Variants in DMAC1 observed in about 807,000 individuals in gnomAD.
DMAC1 encodes distal membrane arm assembly component 1.
Under a neutral mutation model 7.0 loss-of-function variants are expected in DMAC1, and 10 were observed. That is an observed-to-expected ratio of 1.43 (90% confidence interval 0.88 to 2.43). The LOEUF (loss-of-function observed/expected upper bound fraction) is 2.43. Among genes scored for constraint, DMAC1 ranks in the 30% most tolerant of loss-of-function variants. The probability of loss-of-function intolerance (pLI) is 0.00; values close to 1 mark genes in which losing one functional copy is unlikely to be tolerated. For synonymous variants in DMAC1, 92 were observed against 66.2 expected (o/e 1.39, Z -1.90); for missense variants, 219 against 158.7 (o/e 1.38, Z -2.04).
Position 7,798,321 on chromosome 9 carries a change from C to T in DMAC1, c.*252G>A. 2.3e-6 allele frequency: 1 copy of T among 440,988 alleles called. No individual in the cohort carries two copies. Among genetic ancestry groups the T allele is most frequent in the East Asian group, 3.4e-5 (1 of 29,666 alleles). 27.3% of individuals were successfully genotyped at this position (440,988 alleles called of 1,614,324 possible). On this transcript the variant is annotated 3_prime_UTR_variant, in exon 2 of 2. Transcript: ENST00000358227. ...TTTAAATATAAGTTATACTTTCCTT[C>T]CCCAGATAAGACAAAGAACCTGTTT...
At chr9:7,799,410 C>G (rs371337956) in intron 1 of DMAC1, 51 bp downstream of exon 1, 211 of 1,599,826 alleles carry the variant, frequency 1.3e-4, no homozygotes, top group Non-Finnish European at 1.7e-4. Flanking sequence ...CGTTTCCTTC[C>G]TCTACCCCGC....
chr9:7,797,076 C>G lies in DMAC1; in HGVS notation c.*1497G>C, dbSNP rs1325583368. 1.3e-5 allele frequency: 2 copies of G among 152,112 alleles called. No homozygotes were observed. The highest frequency in any genetic ancestry group is 1.3e-4 in the Admixed American group (2 of 15,268). 9.4% of individuals were successfully genotyped at this position (152,112 alleles called of 1,614,324 possible). On this transcript the variant is annotated 3_prime_UTR_variant, in exon 2 of 2. Transcript: ENST00000358227. ...TTAGGTTTATGTGTTTTTGGTTTAA[C>G]CAAAGAAAATGTTCAGGGACTAAAG...
chr9:7,798,789 G>GA (rs557728074), intron 1 of DMAC1, 152 bp from the exon 2 acceptor site: 411 of 565,182 alleles, frequency 7.3e-4, no homozygotes, highest in Middle Eastern at 1.0e-3. Flanking sequence ...CACAGAAAAA[G>GA]AAAAAAAAAT....
In DMAC1 at chr9:7,798,765, T is replaced by C. The variant is rs1272040456; in HGVS notation, c.275-128A>G. 4 of 725,616 alleles carry C rather than the reference T, an allele frequency of 5.5e-6. No individual in the cohort carries two copies. The East Asian group carries it at 1.2e-4, about 22-fold the overall frequency. The allele number at this position is 725,616 out of a possible 1,614,324, so 44.9% of individuals were successfully genotyped here. A position where few individuals can be genotyped will look rare whatever the true frequency, so the allele number is the denominator to read the frequency against. ...ATATATTACCATTGTATCTTTCTTA[T>C]AAGGCAAGTGAAGCACAGAAAAAGA... On this transcript the variant is annotated intron_variant, in intron 1 of 1. Transcript: ENST00000358227.
chr9:7,799,649 G>A lies in DMAC1; in HGVS notation c.86C>T (p.Pro29Leu). The A allele has an allele frequency of 1.2e-6, 2 of 1,611,692 alleles. No homozygotes were observed. The highest frequency in any genetic ancestry group is 1.7e-6 in the Non-Finnish European group (2 of 1,179,228). The change falls in exon 1 of 2, where the codon CCA (proline) becomes CTA (leucine). Residue 29 changes from proline (P) to leucine (L), a missense_variant. Pro to Leu is a moderately conservative substitution (Grantham distance 98). Coordinates refer to ENST00000358227, the MANE Select transcript of DMAC1 (RefSeq NM_033428.3). Reference sequence around the variant, plus strand: ...GGAGGTCGGCGCTCCGGGTGTAGCTGGGGGCGCAGGTTTGGCGGGCGCGGC... The same window carrying A: ...GGAGGTCGGCGCTCCGGGTGTAGCTAGGGGCGCAGGTTTGGCGGGCGCGGC... ...TAAAPAKPAP[P>L]ATPGAPTSPA...
In DMAC1 at chr9:7,799,685, G is replaced by A. The variant is rs200162312; in HGVS notation, c.50C>T (p.Pro17Leu). The part of the protein sequence containing the change: ...QPFESYITAP[P>L]GTAAAPAKPA... ...TTTGGCGGGCGCGGCGGCGGTACCG[G>A]GAGGCGCAGTGATATAGGACTCAAA... The change falls in exon 1 of 2, where the codon CCC becomes CTC. Residue 17 changes from proline to leucine, a missense_variant. Physicochemically the swap from Pro to Leu is moderately conservative, Grantham distance 98. Coordinates refer to ENST00000358227, the MANE Select transcript of DMAC1 (RefSeq NM_033428.3). 3 of 1,599,320 alleles carry A rather than the reference G, an allele frequency of 1.9e-6. No individual in the cohort carries two copies. The highest frequency in any genetic ancestry group is 2.7e-5 in the African/African-American group (2 of 74,828).
rs1036032849 is a variant in DMAC1 at position 7,797,984 on chromosome 9, G to C, written c.*589C>G. ...GAAGCTCTCATAAGGTGATGGATTT[G>C]AAAATGCCTTGCAAAGTATCAGCAA... is the stretch of plus-strand genomic sequence containing the variant. On this transcript the variant is annotated 3_prime_UTR_variant, in exon 2 of 2. Transcript: ENST00000358227. 7 of 152,228 alleles carry C rather than the reference G, an allele frequency of 4.6e-5. No homozygotes were observed. The highest frequency in any genetic ancestry group is 1.3e-4 in the Admixed American group (2 of 15,270). 9.4% of individuals were successfully genotyped at this position (152,228 alleles called of 1,614,324 possible).
chr9:7,798,660 T>C (rs747465086), intron 1 of DMAC1, 23 bp from the exon 2 acceptor site: 4 of 1,529,348 alleles, frequency 2.6e-6, no homozygotes, highest in Non-Finnish European at 3.5e-6. Flanking sequence ...CAACAATACC[T>C]TACCTTTATG....
Position 7,798,496 on chromosome 9 carries a change from C to T in DMAC1, c.*77G>A. ...CATGTACAAGTGTCTGTCCAGAACA[C>T]CCATTAAATTCCATGCCTGCTGTGT... On this transcript the variant is annotated 3_prime_UTR_variant, in exon 2 of 2. Transcript: ENST00000358227. 1 of 1,454,944 alleles carries T rather than the reference C, an allele frequency of 6.9e-7. No homozygotes were observed. 90.1% of individuals were successfully genotyped at this position (1,454,944 alleles called of 1,614,324 possible). A position where few individuals can be genotyped will look rare whatever the true frequency, so the allele number is the denominator to read the frequency against.
In DMAC1 at chr9:7,798,567, G is replaced by A; in HGVS notation, c.*6C>T. Reference sequence around the variant, plus strand: ...GAGACAGAAGACAGATTCACTGGTGGTACTTTCAAACAACGCGGTAGGCCT... The same window carrying A: ...GAGACAGAAGACAGATTCACTGGTGATACTTTCAAACAACGCGGTAGGCCT... On this transcript the variant is annotated 3_prime_UTR_variant, in exon 2 of 2. Transcript: ENST00000358227. The A allele has an allele frequency of 6.2e-7, 1 of 1,613,694 alleles. No homozygotes were observed. The highest frequency in any genetic ancestry group is 8.5e-7 in the Non-Finnish European group (1 of 1,179,670).
rs1818605808 is a variant in DMAC1 at position 7,796,638 on chromosome 9, G to A, written c.*1935C>T. ...GAACTGCGCAGGTCCACGTATCTGT[G>A]GATTTTCTTCCACCTCTGCCACTGG... On this transcript the variant is annotated 3_prime_UTR_variant, in exon 2 of 2. Transcript: ENST00000358227. The A allele has an allele frequency of 6.6e-6, 1 of 152,128 alleles. No individual in the cohort carries two copies. The highest frequency in any genetic ancestry group is 2.4e-5 in the African/African-American group (1 of 41,426). The allele number at this position is 152,128 out of a possible 1,614,324, so 9.4% of individuals were successfully genotyped here.
intron 1 of DMAC1, 34 bp downstream of exon 1, chr9:7,799,427 C>T: frequency 6.2e-7 from 1 of 1,609,458 alleles, no homozygotes; most frequent in Non-Finnish European, 8.5e-7. Context: ...CCGCAGATAC[C>T]CAACCCGCCC....
At position 7,798,606 on chromosome 9, in the gene DMAC1, T is replaced by C. The variant is rs927013981; in HGVS notation, c.306A>G (p.Ala102=). 2.5e-6 allele frequency: 4 copies of C among 1,602,648 alleles called. No homozygotes were observed. In the African/African-American group the frequency reaches 4.0e-5, roughly 16 times the overall value. Residue 102 remains alanine, a synonymous_variant, in exon 2 of 2, where the codon GCA becomes GCG. Transcript: ENST00000358227. ...SIATWGIVVM[A]DPKGKAYRVV is the part of the protein sequence containing the mutation. ...CGCGGTAGGCCTTCCCTTTGGGGTC[T>C]GCCATGACAACGATACCCCAGGTGG...
Position 7,798,372 on chromosome 9 carries a change from C to G in DMAC1, c.*201G>C. 1.8e-6 allele frequency: 1 copy of G among 565,696 alleles called. No individual in the cohort carries two copies. Among genetic ancestry groups the G allele is most frequent in the Admixed American group, 2.7e-5 (1 of 36,902 alleles). The allele number at this position is 565,696 out of a possible 1,614,324, so 35.0% of individuals were successfully genotyped here. ...ACTTCTCTGAGGGATTTATTGGTTC[C>G]TGTGAAATCTGTGAAGGCCACAAAC... is the stretch of plus-strand genomic sequence containing the variant. On this transcript the variant is annotated 3_prime_UTR_variant, in exon 2 of 2. Transcript: ENST00000358227.
intron 1 of DMAC1, among the ~76,000 whole-genome samples, chr9:7,799,260 C>G (rs1417485598): frequency 6.6e-6 from 1 of 151,320 alleles, no homozygotes; most frequent in African/African-American, 2.4e-5. Flanking sequence ...TAAGGGTTCT[C>G]AAGAAATACT....
chr9:7,799,558 C>G lies in DMAC1; in HGVS notation c.177G>C (p.Met59Ile). The G allele has an allele frequency of 6.2e-7, 1 of 1,613,934 alleles. No individual in the cohort carries two copies. The highest frequency in any genetic ancestry group is 8.5e-7 in the Non-Finnish European group (1 of 1,180,024). ...CCCAGTACACGTACCCGCCCGCCCC[C>G]ATCAGCCCCAACCCAGAAAGCACGC... The part of the protein sequence containing the change: ...SCRVLSGLGL[M>I]GAGGYVYWVA... The change falls in exon 1 of 2, where the codon ATG becomes ATC. Residue 59 changes from methionine (M) to isoleucine (I), a missense_variant. By Grantham distance (10) the Met-to-Ile change is conservative. Coordinates refer to ENST00000358227, the MANE Select transcript of DMAC1 (RefSeq NM_033428.3).
In DMAC1 at chr9:7,797,547, C is replaced by T. The variant is rs1818633808; in HGVS notation, c.*1026G>A. The T allele has an allele frequency of 6.6e-6, 1 of 152,120 alleles. No individual in the cohort carries two copies. The highest frequency in any genetic ancestry group is 6.5e-5 in the Admixed American group (1 of 15,278). 9.4% of individuals were successfully genotyped at this position (152,120 alleles called of 1,614,324 possible). ...TCCGCTTTGAAAAACACTTTATATA[C>T]CTTTACAAAGAAGCCATAGTATCTC... is the stretch of plus-strand genomic sequence containing the variant. On this transcript the variant is annotated 3_prime_UTR_variant, in exon 2 of 2. Coordinates refer to ENST00000358227, the MANE Select transcript of DMAC1 (RefSeq NM_033428.3).
In DMAC1 at chr9:7,796,549, G is replaced by C. The variant is rs958196299; in HGVS notation, c.*2024C>G. The C allele has an allele frequency of 6.6e-6, 1 of 152,080 alleles. No individual in the cohort carries two copies. Among genetic ancestry groups the C allele is most frequent in the African/African-American group, 2.4e-5 (1 of 41,388 alleles). 9.4% of individuals were successfully genotyped at this position (152,080 alleles called of 1,614,324 possible). A position where few individuals can be genotyped will look rare whatever the true frequency, so the allele number is the denominator to read the frequency against. On this transcript the variant is annotated 3_prime_UTR_variant, in exon 2 of 2. Coordinates refer to ENST00000358227, the MANE Select transcript of DMAC1 (RefSeq NM_033428.3). The stretch of plus-strand genomic sequence containing the variant: ...TCAGAAAAAGCTCAGATTCATACTC[G>C]TAAAAGTCTGAGAAAAACATTAAAA...
rs1163428450 is a variant in DMAC1, at chr9:7,796,647, TCCA to T, written c.*1923_*1925del. On this transcript the variant is annotated 3_prime_UTR_variant, in exon 2 of 2. Transcript: ENST00000358227. ...AGGTCCACGTATCTGTGGATTTTCT[TCCA>T]CCTCTGCCACTGGGACAGAAAGACC... 1 of 152,234 alleles carries T rather than the reference TCCA, an allele frequency of 6.6e-6. No homozygotes were observed. The highest frequency in any genetic ancestry group is 2.4e-5 in the African/African-American group (1 of 41,458). 9.4% of individuals were successfully genotyped at this position (152,234 alleles called of 1,614,324 possible).
Sources: gnomAD v4.1 joint callset for allele counts (sites outside exome capture counted in the v4.1 genomes callset) on GRCh38, gnomAD v4.1.1 for gene constraint, MANE v1.5 for transcripts, NCBI Gene and HGNC (gene_info 2026-07-23, HGNC 2026-07-21) for gene names.